Variants in BICC1 observed in about 807,000 individuals in gnomAD.
BICC1 encodes the protein BicC family RNA binding protein 1, also known as protein bicaudal C homolog 1.
BICC1 carries 43 observed loss-of-function variants against 111.0 expected under a neutral mutation model. The observed-to-expected ratio is 0.39, with a 90% CI of 0.30 to 0.50. BICC1 has a LOEUF of 0.50. Among genes scored for constraint, BICC1 ranks in the 20% least tolerant of loss-of-function variants. The pLI, the probability that BICC1 is intolerant of heterozygous loss-of-function variation, is 0.88. For missense variants in BICC1, 1,091 were observed against 1,203.2 expected (o/e 0.91, Z 1.38); for synonymous variants, 467 against 434.4 (o/e 1.07, Z -0.93).
At chr10:58,515,346 G>A (rs1842214535) in intron 1 of BICC1, among the ~76,000 whole-genome samples, 1 of 152,156 alleles carries the variant, frequency 6.6e-6, no homozygotes. Context: ...ATGGAGTGTA[G>A]TTACACAAAC....
In BICC1 at chr10:58,733,826, T is replaced by C. The variant is rs556656630; in HGVS notation, c.307+31683T>C. ...GATATAAGTCTCTTTCACTCTAGTATAGGATAGTAGTTAGGAGCATGGTGT... is the reference window on the plus strand; with the variant it reads ...GATATAAGTCTCTTTCACTCTAGTACAGGATAGTAGTTAGGAGCATGGTGT... On this transcript the variant is annotated intron_variant, in intron 3 of 20. Transcript: ENST00000373886. 7.2e-5 allele frequency among the ~76,000 whole-genome samples: 11 copies of C among 152,324 alleles called. No homozygotes were observed. The East Asian group carries it at 2.1e-3, about 29-fold the overall frequency.
chr10:58,825,874 A>G (rs1245454057), intron 20 of BICC1, among the ~76,000 whole-genome samples: 1 of 152,206 alleles, frequency 6.6e-6, no homozygotes, highest in Non-Finnish European at 1.5e-5. Flanking sequence ...TCTCAAAAGC[A>G]AAGTTATGAC....
intron 2 of BICC1, among the ~76,000 whole-genome samples, chr10:58,658,859 C>A (rs1212919991): frequency 6.6e-6 from 1 of 152,022 alleles, no homozygotes; most frequent in African/African-American, 2.4e-5. Context: ...AGCTCTGATC[C>A]TTTTTGTGTA....
chr10:58,555,032 C>G (rs570997451), intron 1 of BICC1, among the ~76,000 whole-genome samples: 10 of 151,890 alleles, frequency 6.6e-5, no homozygotes, highest in African/African-American at 1.9e-4. Flanking sequence ...GTTATAAATA[C>G]CTTAGTGTCT....
At chr10:58,718,838 AT>A (rs1840845616) in intron 3 of BICC1, among the ~76,000 whole-genome samples, 1 of 151,856 alleles carries the variant, frequency 6.6e-6, no homozygotes, top group Non-Finnish European at 1.5e-5. Flanking sequence ...GTTTGCCCTG[AT>A]ATGAGAATTA....
At chr10:58,698,526 T>C (rs1449155471) in intron 2 of BICC1, among the ~76,000 whole-genome samples, 1 of 152,164 alleles carries the variant, frequency 6.6e-6, no homozygotes, top group African/African-American at 2.4e-5. Flanking sequence ...GGATCCCCTC[T>C]GTACATGCTC....
chr10:58,608,504 T>C (rs1845307864), intron 1 of BICC1, among the ~76,000 whole-genome samples: 1 of 152,240 alleles, frequency 6.6e-6, no homozygotes, highest in Non-Finnish European at 1.5e-5. Flanking sequence ...TGTCCTCATG[T>C]CTACATTCTA....
intron 2 of BICC1, among the ~76,000 whole-genome samples, chr10:58,635,073 C>G (rs1014656747): frequency 1.3e-5 from 2 of 152,104 alleles, no homozygotes; most frequent in Non-Finnish European, 2.9e-5. Flanking sequence ...GTTCAAGAGT[C>G]AACTGTATAT....
intron 2 of BICC1, among the ~76,000 whole-genome samples, chr10:58,668,020 T>G (rs1159906682): frequency 6.6e-6 from 1 of 152,058 alleles, no homozygotes; most frequent in Non-Finnish European, 1.5e-5. Flanking sequence ...TGTAAATTTT[T>G]TAAAAAACAT....
intron 2 of BICC1, among the ~76,000 whole-genome samples, chr10:58,663,496 C>T (rs2132297463): frequency 6.6e-6 from 1 of 152,328 alleles, no homozygotes; most frequent in Non-Finnish European, 1.5e-5. Context: ...CCAGGCTGTG[C>T]ACTGGTATCG....
intron 2 of BICC1, among the ~76,000 whole-genome samples, chr10:58,676,067 T>C (rs571421876): frequency 6.6e-6 from 1 of 152,256 alleles, no homozygotes; most frequent in African/African-American, 2.4e-5. Flanking sequence ...AGGGAAGCTA[T>C]GAGTGAGGGA....
intron 3 of BICC1, among the ~76,000 whole-genome samples, chr10:58,703,576 C>A (rs1054442910): frequency 6.6e-6 from 1 of 152,070 alleles, no homozygotes; most frequent in African/African-American, 2.4e-5. Context: ...TTGTATAAGC[C>A]TGTATTTCTC....
chr10:58,680,245 T>C (rs1839475294), intron 2 of BICC1, among the ~76,000 whole-genome samples: 1 of 152,194 alleles, frequency 6.6e-6, no homozygotes. Context: ...TATTTCTGTT[T>C]GCAGATGACA....
intron 1 of BICC1, among the ~76,000 whole-genome samples, chr10:58,618,462 A>G (rs971817968): frequency 6.6e-6 from 1 of 152,222 alleles, no homozygotes; most frequent in African/African-American, 2.4e-5. Flanking sequence ...CGCTGTACAT[A>G]TGGCTTGCGC....
intron 2 of BICC1, among the ~76,000 whole-genome samples, chr10:58,673,847 T>C (rs950324759): frequency 6.7e-6 from 1 of 150,290 alleles, no homozygotes; most frequent in Non-Finnish European, 1.5e-5. Context: ...GCTAGGCTGG[T>C]CTCGAACTCT....
At chr10:58,581,763 T>C (rs1844287899) in intron 1 of BICC1, among the ~76,000 whole-genome samples, 2 of 152,128 alleles carry the variant, frequency 1.3e-5, no homozygotes, top group Admixed American at 6.6e-5. Context: ...CCCTCCAATT[T>C]GGGAAGATTG....
intron 2 of BICC1, among the ~76,000 whole-genome samples, chr10:58,696,674 G>C (rs1188391258): frequency 6.6e-6 from 1 of 152,204 alleles, no homozygotes; most frequent in Non-Finnish European, 1.5e-5. Context: ...ATTGAGAAGA[G>C]ATTTCTTTTG....
chr10:58,539,334 T>A (rs1261802536), intron 1 of BICC1, among the ~76,000 whole-genome samples: 1 of 151,566 alleles, frequency 6.6e-6, no homozygotes, highest in Non-Finnish European at 1.5e-5. Flanking sequence ...GTTTCTAAGC[T>A]TATGGATATG....
At chr10:58,780,313 A>T (rs1842850791) in intron 3 of BICC1, among the ~76,000 whole-genome samples, 3 of 152,182 alleles carry the variant, frequency 2.0e-5, no homozygotes, top group Admixed American at 2.0e-4. Context: ...CTCTGATACG[A>T]TAACTTTTGT....
Sources: gnomAD v4.1 joint callset for allele counts (sites outside exome capture counted in the v4.1 genomes callset) on GRCh38, gnomAD v4.1.1 for gene constraint, MANE v1.5 for transcripts, NCBI Gene and HGNC (gene_info 2026-07-23, HGNC 2026-07-21) for gene names.